Variants in SEC22A observed in about 807,000 individuals in gnomAD.
SEC22A encodes the protein vesicle-trafficking protein SEC22a.
In SEC22A, 22 loss-of-function variants were observed where a neutral mutation model predicts 35.3. The observed-to-expected ratio is 0.62, with a 90% CI of 0.45 to 0.89. The LOEUF (loss-of-function observed/expected upper bound fraction) is 0.89, where lower values mean the gene tolerates loss of function less well. SEC22A is among the 40% of genes least tolerant of loss of function. SEC22A has a pLI of 0.00. For synonymous variants in SEC22A, 119 were observed against 129.5 expected, an observed-to-expected ratio of 0.92 and a Z score of 0.55; for missense variants, 354 against 362.5, an observed-to-expected ratio of 0.98 and a Z score of 0.19.
chr3:123,266,200 T>G (rs1442702493), intron 6 of SEC22A, among the ~76,000 whole-genome samples: 1 of 152,114 alleles, frequency 6.6e-6, no homozygotes, highest in Non-Finnish European at 1.5e-5. Context: ...TCTTTGTCAG[T>G]CTTACTTGTT....
At chr3:123,210,825 TAATAAG>T (rs1395311632) in intron 2 of SEC22A, among the ~76,000 whole-genome samples, 3 of 152,112 alleles carry the variant, frequency 2.0e-5, no homozygotes, top group Non-Finnish European at 4.4e-5. Context: ...CCTGAAGAAT[TAATAAG>T]AGTTGGCTAA....
chr3:123,258,819 G>C (rs778246790), intron 5 of SEC22A, among the ~76,000 whole-genome samples: 13 of 151,590 alleles, frequency 8.6e-5, no homozygotes, highest in Non-Finnish European at 1.5e-4. Context: ...ATCTTTTACT[G>C]TATAAAAACA....
At chr3:123,257,650 G>T (rs1200826219) in intron 5 of SEC22A, among the ~76,000 whole-genome samples, 1 of 151,868 alleles carries the variant, frequency 6.6e-6, no homozygotes, top group Non-Finnish European at 1.5e-5. Flanking sequence ...AGTGAGCCGA[G>T]ATCGCGCCAC....
chr3:123,254,202 TAAAG>T (rs1937670287), intron 5 of SEC22A, among the ~76,000 whole-genome samples: 1 of 152,074 alleles, frequency 6.6e-6, no homozygotes, highest in South Asian at 2.1e-4. Flanking sequence ...TTTTTTTTCT[TAAAG>T]AGACAGGGTC....
intron 2 of SEC22A, among the ~76,000 whole-genome samples, chr3:123,214,482 G>A (rs13434304): frequency 0.2 from 30,739 of 152,032 alleles, 3,200 homozygotes; most frequent in Middle Eastern, 0.28. Flanking sequence ...AGTGTGGGGT[G>A]TTCAGTTTTG....
At chr3:123,260,984 T>C (rs1937883761) in intron 6 of SEC22A, among the ~76,000 whole-genome samples, 1 of 152,054 alleles carries the variant, frequency 6.6e-6, no homozygotes. Context: ...TACAGGCTCC[T>C]GCCACCATGC....
rs759763246 is a variant in SEC22A at position 123,273,962 on chromosome 3, C to A, written c.*2240C>A. On this transcript the variant is annotated 3_prime_UTR_variant, in exon 7 of 7. Transcript: ENST00000492595. The stretch of plus-strand genomic sequence containing the variant: ...TCCTTGTCATTGAATTGACGAGTTA[C>A]AATGTTTGGTATTCGGATACATTCA... The A allele has an allele frequency of 2.6e-5, 4 of 152,172 alleles. No homozygotes were observed. The highest frequency in any genetic ancestry group is 5.9e-5 in the Non-Finnish European group (4 of 68,016). 9.4% of individuals were successfully genotyped at this position (152,172 alleles called of 1,614,324 possible). A position where few individuals can be genotyped will look rare whatever the true frequency, so the allele number is the denominator to read the frequency against.
At chr3:123,241,138 A>G (rs2108071525) in intron 4 of SEC22A, among the ~76,000 whole-genome samples, 1 of 152,258 alleles carries the variant, frequency 6.6e-6, no homozygotes, top group Non-Finnish European at 1.5e-5. Context: ...CAGTAAACAC[A>G]TTAACTGTAC....
intron 2 of SEC22A, among the ~76,000 whole-genome samples, chr3:123,217,890 T>A (rs1178170036): frequency 6.6e-6 from 1 of 152,188 alleles, no homozygotes; most frequent in Non-Finnish European, 1.5e-5. Flanking sequence ...TGAAGTAGAA[T>A]GCTGGCCCTA....
intron 4 of SEC22A, among the ~76,000 whole-genome samples, chr3:123,235,866 A>G (rs1559757616): frequency 6.6e-6 from 1 of 152,230 alleles, no homozygotes; most frequent in Non-Finnish European, 1.5e-5. Flanking sequence ...ATTCAGCCAT[A>G]AAAAGGAATA....
chr3:123,251,633 A>C (rs1937615341), intron 5 of SEC22A, among the ~76,000 whole-genome samples: 1 of 152,240 alleles, frequency 6.6e-6, no homozygotes, highest in African/African-American at 2.4e-5. Context: ...AAAGTTGGGG[A>C]TAATGTAGTC....
chr3:123,248,239 TA>T (rs1937581996), intron 5 of SEC22A, among the ~76,000 whole-genome samples: 1 of 152,130 alleles, frequency 6.6e-6, no homozygotes, highest in South Asian at 2.1e-4. Flanking sequence ...AAATAAAAGA[TA>T]TACAGATTAG....
intron 5 of SEC22A, among the ~76,000 whole-genome samples, chr3:123,253,704 C>A (rs1275190432): frequency 7.2e-6 from 1 of 139,550 alleles, no homozygotes; most frequent in Non-Finnish European, 1.5e-5. Context: ...CAGAGCAAGA[C>A]TCCATCTCAA....
chr3:123,228,935 T>G (rs753354091), intron 4 of SEC22A, among the ~76,000 whole-genome samples: 21 of 152,172 alleles, frequency 1.4e-4, no homozygotes, highest in Non-Finnish European at 2.6e-4. Context: ...GAAGATAGAT[T>G]GATAGAGATT....
At chr3:123,254,426 TG>T (rs1937674481) in intron 5 of SEC22A, among the ~76,000 whole-genome samples, 1 of 152,180 alleles carries the variant, frequency 6.6e-6, no homozygotes, top group African/African-American at 2.4e-5. Context: ...AAATGTGTAT[TG>T]GAACTCCTTA....
At chr3:123,247,168 AAAG>A (rs1314158137) in intron 5 of SEC22A, among the ~76,000 whole-genome samples, 2 of 152,230 alleles carry the variant, frequency 1.3e-5, no homozygotes, top group Admixed American at 6.5e-5. Context: ...GACCTAACAA[AAAG>A]AAGAAACAAA....
chr3:123,228,298 G>A (rs1937249807), intron 4 of SEC22A, among the ~76,000 whole-genome samples: 1 of 151,486 alleles, frequency 6.6e-6, no homozygotes, highest in Admixed American at 6.6e-5. Flanking sequence ...AGGTGTGGAG[G>A]CTCACACCTA....
At chr3:123,253,372 AT>A (rs1395306061) in intron 5 of SEC22A, among the ~76,000 whole-genome samples, 2 of 152,144 alleles carry the variant, frequency 1.3e-5, no homozygotes, top group East Asian at 3.9e-4. Context: ...ACTTGCTTTT[AT>A]TTCTTATCTT....
At chr3:123,224,985 C>T (rs1031999015) in intron 3 of SEC22A, 118 bp from the exon 4 acceptor site, 25 of 651,186 alleles carry the variant, frequency 3.8e-5, no homozygotes, top group East Asian at 2.1e-4. Context: ...TATTTCATGA[C>T]GAATTGAACA....
Sources: allele counts gnomAD v4.1 joint callset (sites outside exome capture counted in the v4.1 genomes callset), GRCh38; gene constraint gnomAD v4.1.1; transcripts MANE v1.5; gene names NCBI Gene and HGNC (gene_info 2026-07-23, HGNC 2026-07-21).